Variants in DYNLRB1 observed in about 807,000 individuals in gnomAD.
The protein encoded by DYNLRB1 is ROBL/LC7-like 1.
DYNLRB1 carries 6 observed loss-of-function variants against 13.5 expected under a neutral mutation model. The ratio of observed to expected loss-of-function variants is 0.44; its 90% CI spans 0.24 to 0.88. DYNLRB1 has a LOEUF of 0.88. Among genes scored for constraint, DYNLRB1 ranks in the 40% least tolerant of loss-of-function variants. The pLI is 0.21. For missense variants in DYNLRB1, 93 were observed against 127.2 expected, an observed-to-expected ratio of 0.73 and a Z score of 1.29; for synonymous variants, 43 against 45.0, an observed-to-expected ratio of 0.96 and a Z score of 0.18.
intron 2 of DYNLRB1, among the ~76,000 whole-genome samples, chr20:34,532,465 T>A (rs868248158): frequency 2.0e-5 from 3 of 152,138 alleles, no homozygotes; most frequent in African/African-American, 7.2e-5. Flanking sequence ...TCAGACTGAC[T>A]TGCTGGGTGG....
At chr20:34,528,344 A>AAAAAAAAC (rs1980422180) in intron 2 of DYNLRB1, among the ~76,000 whole-genome samples, 1 of 146,710 alleles carries the variant, frequency 6.8e-6, no homozygotes, top group African/African-American at 2.5e-5. Flanking sequence ...AAAAAAAAAA[A>AAAAAAAAC]CTACCCTACT....
chr20:34,516,798 C>T lies in DYNLRB1; in HGVS notation c.3+337C>T, dbSNP rs1979245538. 5 of 1,550,078 alleles carry T rather than the reference C, an allele frequency of 3.2e-6. 1 individual carries two copies. The Admixed American group carries it at 7.8e-5, about 24-fold the overall frequency. On this transcript the variant is annotated intron_variant, in intron 1 of 3. Transcript: ENST00000357156. ...CGATGGCAACCCTGGCAACGTTTCC[C>T]GGGAGCTCAGTTTGTGGCAGGCTCT...
intron 3 of DYNLRB1, chr20:34,535,977 T>G: frequency 1.0e-6 from 1 of 985,278 alleles, no homozygotes; most frequent in Non-Finnish European, 1.2e-6. Flanking sequence ...AGCCACTCCC[T>G]GCAGCAGACC....
intron 2 of DYNLRB1, chr20:34,529,942 CT>C: frequency 1.4e-6 from 2 of 1,439,476 alleles, no homozygotes; most frequent in South Asian, 1.4e-5. Flanking sequence ...GAGGCAACTC[CT>C]TTCCCCGCTT....
chr20:34,535,818 G>A, intron 3 of DYNLRB1: 1 of 985,238 alleles, frequency 1.0e-6, no homozygotes, highest in Non-Finnish European at 1.2e-6. Flanking sequence ...TGCAAGCAGA[G>A]GTTTTTAGGG....
chr20:34,524,379 G>A (rs184916339), intron 1 of DYNLRB1, among the ~76,000 whole-genome samples: 15 of 152,286 alleles, frequency 9.8e-5, no homozygotes, highest in African/African-American at 3.6e-4. Context: ...ATTAGTGGAT[G>A]TTCCATAATC....
At chr20:34,535,548 C>A in intron 3 of DYNLRB1, 1 of 833,206 alleles carries the variant, frequency 1.2e-6, no homozygotes, top group Middle Eastern at 6.2e-4. Context: ...CCGGCTCCCT[C>A]GCTCTCACTC....
chr20:34,526,212 G>A (rs1405717443), intron 1 of DYNLRB1, 56 bp from the exon 2 acceptor site: 16 of 1,580,602 alleles, frequency 1.0e-5, no homozygotes, highest in Non-Finnish European at 1.4e-5. Context: ...CCTGGGGTAT[G>A]AGGAAGTTAA....
intron 1 of DYNLRB1, among the ~76,000 whole-genome samples, chr20:34,517,632 T>TC (rs1395317607): frequency 6.8e-6 from 1 of 147,148 alleles, no homozygotes; most frequent in Non-Finnish European, 1.5e-5. Flanking sequence ...TATTTCTTTT[T>TC]TTTTTTTTTT....
At chr20:34,529,958 C>A (rs1980580802) in intron 2 of DYNLRB1, 2 of 1,392,096 alleles carry the variant, frequency 1.4e-6, no homozygotes, top group Admixed American at 3.2e-5. Context: ...CCGCTTCAGC[C>A]CTCAACTGCC....
chr20:34,534,233 G>T lies in DYNLRB1; in HGVS notation c.80-395G>T, dbSNP rs1044336896. On this transcript the variant is annotated intron_variant, in intron 2 of 3. Coordinates refer to ENST00000357156, the MANE Select transcript of DYNLRB1 (RefSeq NM_014183.4). ...AAAAAATAAAAACCTGATTTTGTTA[G>T]TTTTTTAAATCTGTGTCCCTGCATG... 3.9e-5 allele frequency among the ~76,000 whole-genome samples: 6 copies of T among 152,322 alleles called. No homozygotes were observed. The South Asian group carries it at 1.2e-3, about 32-fold the overall frequency.
intron 2 of DYNLRB1, among the ~76,000 whole-genome samples, chr20:34,531,680 G>T (rs946590011): frequency 6.6e-6 from 1 of 152,154 alleles, no homozygotes. Flanking sequence ...GTCTCTCTAG[G>T]GACACTAGTG....
intron 2 of DYNLRB1, 97 bp downstream of exon 2, chr20:34,526,440 C>A: frequency 1.9e-6 from 2 of 1,045,790 alleles, no homozygotes; most frequent in Non-Finnish European, 2.8e-6. Flanking sequence ...CTTCATGAAT[C>A]TGATCTAATT....
At chr20:34,520,306 T>C (rs1182212627) in intron 1 of DYNLRB1, among the ~76,000 whole-genome samples, 1 of 152,344 alleles carries the variant, frequency 6.6e-6, no homozygotes, top group Non-Finnish European at 1.5e-5. Context: ...TTTGTTGTTT[T>C]AATATCCAAA....
At chr20:34,530,292 G>A in intron 2 of DYNLRB1, 1 of 1,008,078 alleles carries the variant, frequency 9.9e-7, no homozygotes, top group Non-Finnish European at 1.2e-6. Flanking sequence ...TGAGAACGTG[G>A]AATGCAGAAT....
At chr20:34,523,243 G>A (rs1979907165) in intron 1 of DYNLRB1, among the ~76,000 whole-genome samples, 1 of 152,150 alleles carries the variant, frequency 6.6e-6, no homozygotes, top group African/African-American at 2.4e-5. Context: ...ACCTGGCAGG[G>A]CAGGGGTAGG....
upstream of DYNLRB1, among the ~76,000 whole-genome samples, chr20:34,515,996 G>T (rs1041061764): frequency 6.6e-6 from 1 of 152,154 alleles, no homozygotes; most frequent in Non-Finnish European, 1.5e-5. Context: ...CTGGTCAGGC[G>T]ATCCTCCTAC....
chr20:34,516,747 G>A lies in DYNLRB1; in HGVS notation c.3+286G>A, dbSNP rs572279696. ...GCGAGGGGTGGGCGGCGGCCCTGCAGCCTAGAGTTTTGGGGCCTTGGTGCG... is the reference window on the plus strand; with the variant it reads ...GCGAGGGGTGGGCGGCGGCCCTGCAACCTAGAGTTTTGGGGCCTTGGTGCG... On this transcript the variant is annotated intron_variant, in intron 1 of 3. Transcript: ENST00000357156. 181 of 1,549,034 alleles carry A rather than the reference G, an allele frequency of 1.2e-4. No individual in the cohort carries two copies. In the Middle Eastern group the frequency reaches 1.5e-3, roughly 13 times the overall value.
At chr20:34,530,000 T>C (rs1476868932) in intron 2 of DYNLRB1, 8 of 1,288,730 alleles carry the variant, frequency 6.2e-6, no homozygotes, top group African/African-American at 1.5e-5. Context: ...GGAATCTCTT[T>C]TGGGCACTTC....
Sources: allele counts gnomAD v4.1 joint callset (sites outside exome capture counted in the v4.1 genomes callset), GRCh38; gene constraint gnomAD v4.1.1; transcripts MANE v1.5; gene names NCBI Gene and HGNC (gene_info 2026-07-23, HGNC 2026-07-21).